The following HMGB4 variants were observed in gnomAD, a reference collection of about 807,000 sequenced individuals.
HMGB4 encodes the protein high mobility group box 4, also known as high mobility group protein B4.
For missense variants in HMGB4, 217 were observed against 220.4 expected, an observed-to-expected ratio of 0.98 and a Z score of 0.10; for synonymous variants, 82 against 84.9, an observed-to-expected ratio of 0.97 and a Z score of 0.19.
chr1:33,864,494 A>G lies in HMGB4; in HGVS notation c.303A>G (p.Leu101=). Reference sequence around the variant, plus strand: ...CCAGACGGCCTCCATCATCCTTCCTACTCTTCTGCCAAGACCACTATGCTC... The same window carrying G: ...CCAGACGGCCTCCATCATCCTTCCTGCTCTTCTGCCAAGACCACTATGCTC... The part of the protein sequence containing the change: ...QEPRRPPSSF[L]LFCQDHYAQL... The change falls in exon 1 of 1, where the codon CTA becomes CTG. Residue 101 remains leucine (L), a synonymous_variant. Transcript: ENST00000681531. 6.2e-7 allele frequency: 1 copy of G among 1,613,704 alleles called. No individual in the cohort carries two copies. Among genetic ancestry groups the G allele is most frequent in the South Asian group, 1.1e-5 (1 of 91,064 alleles).
In HMGB4 at chr1:33,864,787, C is replaced by T. The variant is rs777114230; in HGVS notation, c.*35C>T. 3.2e-6 allele frequency: 5 copies of T among 1,538,476 alleles called. No homozygotes were observed. The highest frequency in any genetic ancestry group is 4.4e-6 in the Non-Finnish European group (5 of 1,132,976). On this transcript the variant is annotated 3_prime_UTR_variant, in exon 1 of 1. Coordinates refer to ENST00000681531, the MANE Select transcript of HMGB4 (RefSeq NM_001379301.1). ...TTTGAAAAAACAAAATGCCATTCAA[C>T]CGTATTTCCTGTTCCTGGTCTCATG...
At chr1:33,860,808 C>A (rs1321626), upstream of HMGB4, 1 of 152,182 alleles carries the variant, frequency 6.6e-6, no homozygotes, top group Non-Finnish European at 1.5e-5. Flanking sequence ...TCACAGTCTC[C>A]GAGGCGGAAG....
Position 33,864,118 on chromosome 1 carries a change from T to C in HMGB4, c.-74T>C. ...GCTGCAAGTACAGCACTTTCTAGAT[T>C]GCTCCTGGAGTGTGGGAACAACAGT... On this transcript the variant is annotated 5_prime_UTR_variant, in exon 1 of 1. Transcript: ENST00000681531. 4 of 1,408,178 alleles carry C rather than the reference T, an allele frequency of 2.8e-6. No homozygotes were observed. The South Asian group carries it at 5.6e-5, about 20-fold the overall frequency. The allele number at this position is 1,408,178 out of a possible 1,614,324, so 87.2% of individuals were successfully genotyped here. A position where few individuals can be genotyped will look rare whatever the true frequency, so the allele number is the denominator to read the frequency against.
chr1:33,861,288 A>T (rs1639480106), upstream of HMGB4: 1 of 152,212 alleles, frequency 6.6e-6, no homozygotes, highest in African/African-American at 2.4e-5. Flanking sequence ...CTTGCAGCCT[A>T]TTTTTTAAAA....
Position 33,864,170 on chromosome 1 carries a change from G to T in HMGB4, c.-22G>T. 3 of 1,573,332 alleles carry T rather than the reference G, an allele frequency of 1.9e-6. No homozygotes were observed. The highest frequency in any genetic ancestry group is 2.6e-6 in the Non-Finnish European group (3 of 1,165,006). On this transcript the variant is annotated 5_prime_UTR_variant, in exon 1 of 1. Transcript: ENST00000681531. ...TCTCCTGTCCACGTTACTGAATCCA[G>T]AAAAAAGGTGAACTTACGAACATGG... is the stretch of plus-strand genomic sequence containing the variant.
In HMGB4 at chr1:33,864,370, A is replaced by G. The variant is rs1639796910; in HGVS notation, c.179A>G (p.Tyr60Cys). 5 of 1,613,982 alleles carry G rather than the reference A, an allele frequency of 3.1e-6. No homozygotes were observed. Among genetic ancestry groups the G allele is most frequent in the Admixed American group, 3.3e-5 (2 of 60,010 alleles). ...ATCTCAAAGCATGAAAAGGCCAAAT[A>G]TGAAGCCCTGGCCAAACTCGACAAA... ...RSISKHEKAKYEALAKLDKAR... is the reference protein window; with the variant it reads ...RSISKHEKAKCEALAKLDKAR... The change falls in exon 1 of 1, where the codon TAT (tyrosine) becomes TGT (cysteine). Residue 60 changes from tyrosine (Y) to cysteine (C), a missense_variant. Transcript: ENST00000681531.
upstream of HMGB4, among the ~76,000 whole-genome samples, chr1:33,861,508 G>A (rs538075634): frequency 6.6e-6 from 1 of 152,318 alleles, no homozygotes; most frequent in East Asian, 1.9e-4. Flanking sequence ...TCCCGGGCAT[G>A]TGGTCTGGTC....
upstream of HMGB4, chr1:33,862,457 C>T (rs1639612446): frequency 6.7e-6 from 1 of 149,350 alleles, no homozygotes; most frequent in Admixed American, 6.8e-5. Context: ...CCTCATGTCC[C>T]ATCTTTTGAT....
chr1:33,864,589 C>T lies in HMGB4; in HGVS notation c.398C>T (p.Thr133Ile). Residue 133 changes from threonine to isoleucine, a missense_variant, in exon 1 of 1, where the codon ACA becomes ATA. Thr to Ile is a moderately conservative substitution (Grantham distance 89, BLOSUM62 -1). Transcript: ENST00000681531. ...AAGGCCACAGGGAAGATGTGGTCAA[C>T]AGCGACAGACCTGGAGAAGCACCCT... ...VAKATGKMWS[T>I]ATDLEKHPYE... 1 of 1,614,034 alleles carries T rather than the reference C, an allele frequency of 6.2e-7. No individual in the cohort carries two copies. Among genetic ancestry groups the T allele is most frequent in the Non-Finnish European group, 8.5e-7 (1 of 1,180,010 alleles).
chr1:33,861,791 C>T (rs112902032), upstream of HMGB4, among the ~76,000 whole-genome samples: 1,994 of 152,222 alleles, frequency 0.013, 53 homozygotes, highest in African/African-American at 0.045. Flanking sequence ...AGAAAGGGGG[C>T]AATGCCTGTA....
upstream of HMGB4, chr1:33,860,542 G>A (rs1047601863): frequency 6.6e-6 from 1 of 152,174 alleles, no homozygotes; most frequent in African/African-American, 2.4e-5. Flanking sequence ...CTATTCATTA[G>A]TAGTGGGTGG....
upstream of HMGB4, chr1:33,862,352 T>TGTGTGTGTGC (rs1639591719): frequency 1.7e-5 from 2 of 118,392 alleles, no homozygotes; most frequent in South Asian, 4.7e-4. Context: ...TCTGTGTGTG[T>TGTGTGTGTGC]GTGTGTGTGT....
Position 33,864,545 on chromosome 1 carries a change from G to A in HMGB4, c.354G>A (p.Trp118Ter). 6.2e-7 allele frequency: 1 copy of A among 1,614,108 alleles called. No homozygotes were observed. The highest frequency in any genetic ancestry group is 1.3e-5 in the African/African-American group (1 of 75,064). The change falls in exon 1 of 1, where the codon TGG becomes TGA. Residue 118 changes from tryptophan (W) to a stop codon, truncating the protein, a stop_gained. Coordinates refer to ENST00000681531, the MANE Select transcript of HMGB4 (RefSeq NM_001379301.1). LOFTEE classifies it low-confidence loss of function (END_TRUNC). ...AGCTGAAGAGGGAGAACCCGAACTG[G>A]TCGGTGGTGCAGGTGGCCAAGGCCA... ...YAQLKRENPN[W>*]SVVQVAKATG...
At chr1:33,861,249 C>T (rs1032009252), upstream of HMGB4, 6 of 152,076 alleles carry the variant, frequency 3.9e-5, no homozygotes, top group South Asian at 2.1e-4. Flanking sequence ...CATCTGTAGA[C>T]GAGGAGTTGG....
Position 33,864,297 on chromosome 1 carries a change from G to T in HMGB4, c.106G>T (p.Val36Phe). Residue 36 changes from valine to phenylalanine, a missense_variant, in exon 1 of 1, where the codon GTT (valine) becomes TTT (phenylalanine). Coordinates refer to ENST00000681531, the MANE Select transcript of HMGB4 (RefSeq NM_001379301.1). ...CAAGGAGCAGCAGCCAAATACCTATGTTGGCTTTAAAGAGTTCTCTAGAAA... is the reference window on the plus strand; with the variant it reads ...CAAGGAGCAGCAGCCAAATACCTATTTTGGCTTTAAAGAGTTCTCTAGAAA... Reference protein sequence around the residue: ...KFKEQQPNTYVGFKEFSRKCS... With the variant: ...KFKEQQPNTYFGFKEFSRKCS... 6.2e-6 allele frequency: 10 copies of T among 1,613,650 alleles called. No homozygotes were observed. Among genetic ancestry groups the T allele is most frequent in the Non-Finnish European group, 8.5e-6 (10 of 1,179,690 alleles).
upstream of HMGB4, chr1:33,861,081 G>A (rs1037443733): frequency 1.3e-5 from 2 of 152,194 alleles, no homozygotes; most frequent in African/African-American, 4.8e-5. Flanking sequence ...TTGTTATGAG[G>A]ACTGAATGGA....
upstream of HMGB4, chr1:33,860,791 G>A (rs1639444223): frequency 6.6e-6 from 1 of 152,196 alleles, no homozygotes; most frequent in Non-Finnish European, 1.5e-5. Flanking sequence ...ACCAAGTAAA[G>A]AGGATCTCAC....
At chr1:33,860,677 T>C (rs527401621), upstream of HMGB4, 3 of 152,348 alleles carry the variant, frequency 2.0e-5, no homozygotes, top group South Asian at 2.1e-4. Context: ...TGTAATGAGC[T>C]AGACTTGCCC....
upstream of HMGB4, chr1:33,863,375 A>G (rs1324577893): frequency 6.6e-6 from 1 of 152,148 alleles, no homozygotes; most frequent in Non-Finnish European, 1.5e-5. Flanking sequence ...CTCACATGAG[A>G]GTGGGGAGGC....
Sources: gnomAD v4.1 joint callset for allele counts (sites outside exome capture counted in the v4.1 genomes callset) on GRCh38, gnomAD v4.1.1 for gene constraint, MANE v1.5 for transcripts, NCBI Gene and HGNC (gene_info 2026-07-23, HGNC 2026-07-21) for gene names.